CREB5: variants seen among roughly 807,000 people sequenced by gnomAD.
CREB5 encodes cyclic AMP-responsive element-binding protein 5.
CREB5 carries 19 observed loss-of-function variants against 57.1 expected under a neutral mutation model. The ratio of observed to expected loss-of-function variants is 0.33; its 90% CI spans 0.23 to 0.49. The LOEUF (loss-of-function observed/expected upper bound fraction) is 0.49, where lower values mean the gene tolerates loss of function less well. CREB5 is among the 20% of genes least tolerant of loss of function. The pLI is 0.99. For synonymous variants in CREB5, 238 were observed against 238.3 expected (o/e 1.00, Z 0.01); for missense variants, 579 against 671.6 (o/e 0.86, Z 1.52).
intron 1 of CREB5, among the ~76,000 whole-genome samples, chr7:28,407,007 A>G (rs927922980): frequency 4.6e-5 from 7 of 151,718 alleles, no homozygotes; most frequent in African/African-American, 1.7e-4. Flanking sequence ...GAGTGCTTCC[A>G]TAGTACTTGC....
chr7:28,346,802 A>C (rs1402746475), intron 1 of CREB5, among the ~76,000 whole-genome samples: 1 of 152,016 alleles, frequency 6.6e-6, no homozygotes, highest in East Asian at 1.9e-4. Context: ...CTTCCTGTAA[A>C]GGGATCTGGG....
At chr7:28,795,755 C>CTTTTTT (rs367853221) in intron 7 of CREB5, among the ~76,000 whole-genome samples, 2 of 137,518 alleles carry the variant, frequency 1.5e-5, no homozygotes, top group African/African-American at 5.4e-5. Context: ...GTTTTTCTTT[C>CTTTTTT]TTTTTTTTTT....
intron 4 of CREB5, among the ~76,000 whole-genome samples, chr7:28,522,629 C>T (rs1006602573): frequency 6.6e-6 from 1 of 151,966 alleles, no homozygotes; most frequent in African/African-American, 2.4e-5. Context: ...AACTCCTGAC[C>T]TCAAGTGATC....
intron 5 of CREB5, among the ~76,000 whole-genome samples, chr7:28,593,655 A>G (rs1796601420): frequency 6.6e-6 from 1 of 152,208 alleles, no homozygotes; most frequent in African/African-American, 2.4e-5. Context: ...GAAATGGTGA[A>G]TGAGCTTTGC....
At chr7:28,551,821 T>TTTTCTTTCTTTCTTTC (rs10625343) in intron 4 of CREB5, among the ~76,000 whole-genome samples, 151 of 147,530 alleles carry the variant, frequency 1.0e-3, no homozygotes, top group African/African-American at 2.6e-3. Flanking sequence ...CCTCTATGAT[T>TTTTCTTTCTTTCTTTC]TTTCTTTCTT....
chr7:28,549,714 T>A (rs1199885837), intron 4 of CREB5, among the ~76,000 whole-genome samples: 1 of 152,078 alleles, frequency 6.6e-6, no homozygotes, highest in Non-Finnish European at 1.5e-5. Flanking sequence ...TTTTTTAACA[T>A]CCTGTTTTAT....
chr7:28,566,352 T>A (rs2128646061), intron 4 of CREB5, among the ~76,000 whole-genome samples: 1 of 152,336 alleles, frequency 6.6e-6, no homozygotes, highest in East Asian at 1.9e-4. Flanking sequence ...ATCCAAACTG[T>A]TGATAAAAAA....
Position 28,698,632 on chromosome 7 carries a change from C to T in CREB5, c.465-20121C>T, listed in dbSNP as rs368585881. Among the ~76,000 whole-genome samples, 19 of 152,234 alleles carry T rather than the reference C, an allele frequency of 1.2e-4. No individual in the cohort carries two copies. In the East Asian group the frequency reaches 3.3e-3, roughly 26 times the overall value. ...TCTTTGGGGAAAGAAAATAAGTTCA[C>T]TAAAAGCAAACAGATTGGAGAGAAC... is the stretch of plus-strand genomic sequence containing the variant. On this transcript the variant is annotated intron_variant, in intron 5 of 10. Coordinates refer to ENST00000357727, the MANE Select transcript of CREB5 (RefSeq NM_182898.4).
In CREB5 at chr7:28,804,388, G is replaced by A; in HGVS notation, c.892G>A (p.Ala298Thr). 2 of 1,613,454 alleles carry A rather than the reference G, an allele frequency of 1.2e-6. No homozygotes were observed. Among genetic ancestry groups the A allele is most frequent in the East Asian group, 2.2e-5 (1 of 44,860 alleles). ...HPYPHQHQHPAHHPHPQPHHQ... is the reference protein window; with the variant it reads ...HPYPHQHQHPTHHPHPQPHHQ... ...TTACCCACACCAGCACCAGCACCCA[G>A]CACACCATCCTCACCCTCAACCCCA... Residue 298 changes from alanine (A) to threonine (T), a missense_variant, in exon 8 of 11, where the codon GCA (alanine) becomes ACA (threonine). Transcript: ENST00000357727.
intron 1 of CREB5, among the ~76,000 whole-genome samples, chr7:28,439,703 G>A (rs1345936851): frequency 6.6e-6 from 1 of 152,194 alleles, no homozygotes; most frequent in African/African-American, 2.4e-5. Flanking sequence ...TATCTCCTAA[G>A]ATGGCACTTT....
chr7:28,729,716 A>T (rs1803510473), intron 7 of CREB5, among the ~76,000 whole-genome samples: 1 of 141,474 alleles, frequency 7.1e-6, no homozygotes, highest in African/African-American at 2.7e-5. Context: ...CTAAAAGTCC[A>T]GGAATAAAAA....
intron 5 of CREB5, among the ~76,000 whole-genome samples, chr7:28,593,493 C>A (rs879591006): frequency 1.3e-5 from 2 of 152,184 alleles, no homozygotes; most frequent in African/African-American, 4.8e-5. Flanking sequence ...AAGTGATCTG[C>A]CCACCTCAGC....
rs1005907937 is a variant in CREB5, at chr7:28,686,378, C to G, written c.465-32375C>G. Among the ~76,000 whole-genome samples, 22 of 151,856 alleles carry G rather than the reference C, an allele frequency of 1.4e-4. 1 individual carries two copies. The highest frequency in any genetic ancestry group is 4.4e-5 in the Non-Finnish European group (3 of 68,002). On this transcript the variant is annotated intron_variant, in intron 5 of 10. Coordinates refer to ENST00000357727, the MANE Select transcript of CREB5 (RefSeq NM_182898.4). The stretch of plus-strand genomic sequence containing the variant: ...TCCTCTTTCCCCAGCCCCTCCGCTC[C>G]TCTTCTTGCCCGAAGAGGCATTTCT...
At chr7:28,340,646 C>T (rs769201405) in intron 1 of CREB5, among the ~76,000 whole-genome samples, 32 of 152,180 alleles carry the variant, frequency 2.1e-4, no homozygotes, top group African/African-American at 2.4e-5. Context: ...GCTGGTATCT[C>T]ACTAAGTCGT....
In CREB5 at chr7:28,625,634, C is replaced by T. The variant is rs555205846; in HGVS notation, c.464+55097C>T. 4.6e-5 allele frequency among the ~76,000 whole-genome samples: 7 copies of T among 152,246 alleles called. No individual in the cohort carries two copies. In the South Asian group the frequency reaches 1.5e-3, roughly 32 times the overall value. ...CCATACAGCCAAGGCAACTGCGTTG[C>T]CTTGCTGAAGATCCACAGGGGAAAA... On this transcript the variant is annotated intron_variant, in intron 5 of 10. Transcript: ENST00000357727.
intron 5 of CREB5, among the ~76,000 whole-genome samples, chr7:28,663,210 T>C (rs1023909493): frequency 6.6e-6 from 1 of 151,744 alleles, no homozygotes; most frequent in Non-Finnish European, 1.5e-5. Context: ...TCTCCCTTCA[T>C]TTTATTTTTC....
chr7:28,790,518 A>C (rs755610171), intron 7 of CREB5, among the ~76,000 whole-genome samples: 3 of 152,134 alleles, frequency 2.0e-5, no homozygotes, highest in Non-Finnish European at 4.4e-5. Context: ...AAAATAAAGA[A>C]AGAAAGGGAA....
chr7:28,515,887 T>G (rs2128611959), intron 4 of CREB5, among the ~76,000 whole-genome samples: 1 of 76,998 alleles, frequency 1.3e-5, no homozygotes, highest in East Asian at 3.0e-4. Context: ...AAACAAAAAC[T>G]AACAGAAATG....
chr7:28,696,631 C>G (rs1256145656), intron 5 of CREB5, among the ~76,000 whole-genome samples: 2 of 151,862 alleles, frequency 1.3e-5, no homozygotes, highest in Non-Finnish European at 2.9e-5. Context: ...TTGATATGAG[C>G]AATAGTGGGA....
Sources: allele counts gnomAD v4.1 joint callset (sites outside exome capture counted in the v4.1 genomes callset), GRCh38; gene constraint gnomAD v4.1.1; transcripts MANE v1.5; gene names NCBI Gene and HGNC (gene_info 2026-07-23, HGNC 2026-07-21).